Variants in MRPL48 observed in about 807,000 individuals in gnomAD.
The protein encoded by MRPL48 is mitochondrial ribosomal protein L48.
A neutral mutation model predicts 32.9 loss-of-function variants in MRPL48; 16 were observed. The ratio of observed to expected loss-of-function variants is 0.49; its 90% CI spans 0.33 to 0.74. The LOEUF (loss-of-function observed/expected upper bound fraction) is 0.74. Ranked by LOEUF, MRPL48 falls within the 30% of genes least tolerant of loss-of-function variation. The probability of loss-of-function intolerance (pLI) is 0.02; values close to 1 mark genes in which losing one functional copy is unlikely to be tolerated. For synonymous variants in MRPL48, 94 were observed against 89.2 expected, an observed-to-expected ratio of 1.05 and a Z score of -0.31; for missense variants, 206 against 245.3, an observed-to-expected ratio of 0.84 and a Z score of 1.07.
rs566270369 is a variant in MRPL48 at position 73,826,353 on chromosome 11, C to T, written c.201+557C>T. On this transcript the variant is annotated intron_variant, in intron 4 of 7. Transcript: ENST00000310614. ...TTATTTGTAATACTTAAAAAAAAATCTTCCTAGTAGTGTACTTATTTCAGT... is the reference window on the plus strand; with the variant it reads ...TTATTTGTAATACTTAAAAAAAAATTTTCCTAGTAGTGTACTTATTTCAGT... Among the ~76,000 whole-genome samples, 18 of 152,136 alleles carry T rather than the reference C, an allele frequency of 1.2e-4. No homozygotes were observed. The South Asian group carries it at 3.7e-3, about 32-fold the overall frequency.
At chr11:73,797,580 C>T (rs1181554995) in intron 1 of MRPL48, among the ~76,000 whole-genome samples, 1 of 152,234 alleles carries the variant, frequency 6.6e-6, no homozygotes, top group Non-Finnish European at 1.5e-5. Flanking sequence ...CCTGGTCCGG[C>T]CTCGCAGAGA....
At chr11:73,803,803 A>G (rs1947398739) in intron 1 of MRPL48, among the ~76,000 whole-genome samples, 5 of 152,308 alleles carry the variant, frequency 3.3e-5, no homozygotes, top group Admixed American at 2.6e-4. Context: ...GACTGAAGCA[A>G]GGGAATTGCT....
chr11:73,798,236 C>T (rs531681176), intron 1 of MRPL48, among the ~76,000 whole-genome samples: 1 of 152,032 alleles, frequency 6.6e-6, no homozygotes, highest in African/African-American at 2.4e-5. Context: ...CACCACTGTG[C>T]CTGGCTAATT....
intron 3 of MRPL48, chr11:73,822,935 T>C (rs1947809475): frequency 2.2e-6 from 1 of 449,462 alleles, no homozygotes; most frequent in South Asian, 1.6e-5. Flanking sequence ...ACTGCACATA[T>C]GAGGGATCCA....
intron 3 of MRPL48, among the ~76,000 whole-genome samples, chr11:73,820,169 A>C (rs1480832404): frequency 1.3e-5 from 2 of 152,102 alleles, no homozygotes; most frequent in Admixed American, 6.6e-5. Flanking sequence ...GCTGTTCAGG[A>C]TGAAATCCAA....
At chr11:73,856,693 G>A (rs1028438687) in intron 5 of MRPL48, among the ~76,000 whole-genome samples, 2 of 152,104 alleles carry the variant, frequency 1.3e-5, no homozygotes, top group Non-Finnish European at 2.9e-5. Flanking sequence ...GATATAACTT[G>A]TATAAAGTGA....
intron 5 of MRPL48, among the ~76,000 whole-genome samples, chr11:73,857,318 G>A (rs1948499679): frequency 6.6e-6 from 1 of 151,954 alleles, no homozygotes; most frequent in South Asian, 2.1e-4. Flanking sequence ...TTTTAGTAGA[G>A]ACAGGTTTTC....
At chr11:73,806,835 T>A (rs918004835) in intron 2 of MRPL48, among the ~76,000 whole-genome samples, 1 of 152,034 alleles carries the variant, frequency 6.6e-6, no homozygotes, top group Non-Finnish European at 1.5e-5. Context: ...TTTTTTTTTT[T>A]AAACTGTTCT....
chr11:73,826,774 CTTTTTTTTTT>C (rs71065041), intron 4 of MRPL48, among the ~76,000 whole-genome samples: 2 of 108,928 alleles, frequency 1.8e-5, no homozygotes, highest in African/African-American at 6.9e-5. Context: ...ACTGTATTTT[CTTTTTTTTTT>C]TTTTTTTTTG....
At chr11:73,830,655 A>C (rs968815542) in intron 4 of MRPL48, among the ~76,000 whole-genome samples, 5 of 152,104 alleles carry the variant, frequency 3.3e-5, no homozygotes, top group Admixed American at 6.5e-5. Context: ...TGAGCCCAAC[A>C]TCCCTAAGAC....
At chr11:73,858,975 T>C (rs994675490) in intron 5 of MRPL48, among the ~76,000 whole-genome samples, 1 of 152,218 alleles carries the variant, frequency 6.6e-6, no homozygotes, top group Non-Finnish European at 1.5e-5. Flanking sequence ...AAGCATAAAC[T>C]CTATAATCTG....
intron 2 of MRPL48, among the ~76,000 whole-genome samples, chr11:73,806,836 A>T (rs868192029): frequency 2.0e-5 from 3 of 150,704 alleles, no homozygotes; most frequent in African/African-American, 4.9e-5. Context: ...TTTTTTTTTT[A>T]AACTGTTCTG....
chr11:73,852,348 G>A (rs1328920431), intron 5 of MRPL48, among the ~76,000 whole-genome samples: 1 of 136,218 alleles, frequency 7.3e-6, no homozygotes, highest in East Asian at 2.3e-4. Context: ...TAGCTGACAA[G>A]GGATTAATAA....
In MRPL48 at chr11:73,805,752, A is replaced by G. The variant is rs905304030; in HGVS notation, c.74+673A>G. 3.4e-5 allele frequency among the ~76,000 whole-genome samples: 5 copies of G among 147,416 alleles called. No homozygotes were observed. In the Admixed American group the frequency reaches 3.5e-4, roughly 10 times the overall value. On this transcript the variant is annotated intron_variant, in intron 2 of 7. Transcript: ENST00000310614. ...CAGCTCACTGTAGCCTTGACCTCCC[A>G]TGCTCAAGTGGTTCTTCTACCTCAG...
At chr11:73,859,008 A>G (rs936986230) in intron 5 of MRPL48, among the ~76,000 whole-genome samples, 1 of 152,174 alleles carries the variant, frequency 6.6e-6, no homozygotes, top group African/African-American at 2.4e-5. Flanking sequence ...CCTCAGGGGG[A>G]AATTAACAAT....
At chr11:73,814,693 C>G (rs1276762715) in intron 3 of MRPL48, among the ~76,000 whole-genome samples, 2 of 137,542 alleles carry the variant, frequency 1.5e-5, no homozygotes, top group African/African-American at 2.7e-5. Flanking sequence ...GAGACTGTCT[C>G]AAGAAAAAAA....
At chr11:73,796,813 C>G (rs900463449) in intron 1 of MRPL48, among the ~76,000 whole-genome samples, 1 of 152,184 alleles carries the variant, frequency 6.6e-6, no homozygotes, top group Admixed American at 6.5e-5. Flanking sequence ...GCCTGTAATC[C>G]CAGCACTTTG....
intron 1 of MRPL48, among the ~76,000 whole-genome samples, chr11:73,790,374 CTTTTTTTTTTT>C (rs759628609): frequency 1.2e-4 from 7 of 57,992 alleles, no homozygotes; most frequent in African/African-American, 6.8e-4. Flanking sequence ...CGCACCCGGC[CTTTTTTTTTTT>C]TTTTTTTTTT....
chr11:73,824,575 ACT>A (rs1466834353), intron 3 of MRPL48, among the ~76,000 whole-genome samples: 1 of 149,394 alleles, frequency 6.7e-6, no homozygotes, highest in Non-Finnish European at 1.5e-5. Context: ...ACAGAATGAG[ACT>A]CTATCTCAAA....
Sources: gnomAD v4.1 joint callset for allele counts (sites outside exome capture counted in the v4.1 genomes callset) on GRCh38, gnomAD v4.1.1 for gene constraint, MANE v1.5 for transcripts, NCBI Gene and HGNC (gene_info 2026-07-23, HGNC 2026-07-21) for gene names.